ANKRD30BL: variants seen among roughly 807,000 people sequenced by gnomAD.
ANKRD30BL encodes the protein putative ankyrin repeat domain-containing protein 30B-like.
In ANKRD30BL, 20 loss-of-function variants were observed where a neutral mutation model predicts 18.4. The observed-to-expected ratio is 1.09, with a 90% CI of 0.77 to 1.58. ANKRD30BL has a LOEUF of 1.58. Among genes scored for constraint, ANKRD30BL ranks in the 40% most tolerant of loss-of-function variants. The pLI, the probability that ANKRD30BL is intolerant of heterozygous loss-of-function variation, is 0.00. For synonymous variants in ANKRD30BL, 72 were observed against 100.9 expected, an observed-to-expected ratio of 0.71 and a Z score of 1.72; for missense variants, 224 against 268.6, an observed-to-expected ratio of 0.83 and a Z score of 1.16.
chr2:132,211,735 T>C (rs1307468296), intron 1 of ANKRD30BL, among the ~76,000 whole-genome samples: 2 of 151,736 alleles, frequency 1.3e-5, no homozygotes, highest in Non-Finnish European at 2.9e-5. Context: ...AAAGGAAATA[T>C]CTTCACATAA....
At chr2:132,211,002 G>A (rs1206368402) in intron 1 of ANKRD30BL, among the ~76,000 whole-genome samples, 2 of 150,032 alleles carry the variant, frequency 1.3e-5, no homozygotes, top group Admixed American at 1.3e-4. Flanking sequence ...TGTGGAATCT[G>A]CAAGTGGATA....
chr2:132,204,823 A>G (rs1003642997), intron 1 of ANKRD30BL, among the ~76,000 whole-genome samples: 4 of 152,248 alleles, frequency 2.6e-5, no homozygotes, highest in Non-Finnish European at 4.4e-5. Context: ...TTGCCAAAAT[A>G]TAAAATGTGT....
At chr2:132,188,894 A>G (rs1179280762) in intron 1 of ANKRD30BL, among the ~76,000 whole-genome samples, 1 of 152,190 alleles carries the variant, frequency 6.6e-6, no homozygotes, top group South Asian at 2.1e-4. Flanking sequence ...TAGACAACTG[A>G]GGTTGCCTAA....
intron 1 of ANKRD30BL, among the ~76,000 whole-genome samples, chr2:132,181,543 C>T (rs557546458): frequency 6.6e-6 from 1 of 151,978 alleles, no homozygotes; most frequent in East Asian, 1.9e-4. Context: ...ACTTCTACCA[C>T]TAAAAGCAGA....
chr2:132,211,030 C>T (rs1165612032), intron 1 of ANKRD30BL, among the ~76,000 whole-genome samples: 1 of 143,412 alleles, frequency 7.0e-6, no homozygotes, highest in African/African-American at 2.6e-5. Context: ...CACTTGACAG[C>T]CTATGGTGGA....
chr2:132,229,894 ACT>A (rs1277842687), intron 1 of ANKRD30BL, among the ~76,000 whole-genome samples: 1 of 151,864 alleles, frequency 6.6e-6, no homozygotes, highest in Non-Finnish European at 1.5e-5. Flanking sequence ...GTTTTGAAAC[ACT>A]CTGTTCGCAG....
At chr2:132,242,773 A>G (rs1422693444) in intron 1 of ANKRD30BL, among the ~76,000 whole-genome samples, 3 of 151,740 alleles carry the variant, frequency 2.0e-5, no homozygotes, top group African/African-American at 7.2e-5. Context: ...TACTCAACTC[A>G]CAGACGTGAA....
chr2:132,174,052 C>T (rs910177715), intron 1 of ANKRD30BL, among the ~76,000 whole-genome samples: 5 of 152,160 alleles, frequency 3.3e-5, no homozygotes, highest in East Asian at 1.9e-4. Flanking sequence ...TCTCTCCCAA[C>T]GAACATAACT....
chr2:132,203,390 T>A (rs1052561462), intron 1 of ANKRD30BL, among the ~76,000 whole-genome samples: 5 of 152,256 alleles, frequency 3.3e-5, no homozygotes, highest in Non-Finnish European at 7.3e-5. Flanking sequence ...GGAGGTAAGC[T>A]TGTTCATTTC....
intron 1 of ANKRD30BL, among the ~76,000 whole-genome samples, chr2:132,242,648 T>G: frequency 6.6e-6 from 1 of 151,826 alleles, no homozygotes; most frequent in Non-Finnish European, 1.5e-5. Flanking sequence ...GAAACACTCT[T>G]TTTGTAGAAT....
chr2:132,221,862 G>T (rs1359281281), intron 1 of ANKRD30BL, among the ~76,000 whole-genome samples: 2 of 125,746 alleles, frequency 1.6e-5, no homozygotes, highest in Admixed American at 7.2e-5. Flanking sequence ...CGTCCGGGAG[G>T]GGGGAGGGGG....
intron 1 of ANKRD30BL, among the ~76,000 whole-genome samples, chr2:132,232,036 C>T (rs184422725): frequency 1.4e-4 from 21 of 152,334 alleles, no homozygotes; most frequent in African/African-American, 2.9e-4. Context: ...CCCTGACCCC[C>T]GAGCAGCCTA....
At chr2:132,209,419 T>C (rs113874408) in intron 1 of ANKRD30BL, among the ~76,000 whole-genome samples, 1 of 150,250 alleles carries the variant, frequency 6.7e-6, no homozygotes, top group Non-Finnish European at 1.5e-5. Flanking sequence ...AGCTGAACAT[T>C]TCTTTTGATT....
chr2:132,166,553 A>G (rs1375681401), upstream of ANKRD30BL, among the ~76,000 whole-genome samples: 1 of 152,006 alleles, frequency 6.6e-6, no homozygotes, highest in Non-Finnish European at 1.5e-5. Flanking sequence ...GTATTTGTCC[A>G]TTTTATATAG....
intron 1 of ANKRD30BL, among the ~76,000 whole-genome samples, chr2:132,249,086 G>A (rs562409045): frequency 6.6e-6 from 1 of 151,692 alleles, no homozygotes; most frequent in African/African-American, 2.4e-5. Context: ...ACATTACAAA[G>A]CAGTTTCTCA....
At chr2:132,206,037 A>G (rs975805390) in intron 1 of ANKRD30BL, among the ~76,000 whole-genome samples, 13 of 152,070 alleles carry the variant, frequency 8.5e-5, no homozygotes, top group African/African-American at 3.1e-4. Context: ...GGGCGCCTGT[A>G]ATCCTAGCTA....
At chr2:132,223,596 A>C (rs1415938491) in intron 1 of ANKRD30BL, among the ~76,000 whole-genome samples, 1 of 152,114 alleles carries the variant, frequency 6.6e-6, no homozygotes, top group Non-Finnish European at 1.5e-5. Flanking sequence ...GAGAGCTTTG[A>C]GGCCTTCGTT....
In ANKRD30BL at chr2:132,161,694, G is replaced by A; in HGVS notation, c.12C>T (p.Leu4=). 6.9e-7 allele frequency: 1 copy of A among 1,441,734 alleles called. No individual in the cohort carries two copies. The highest frequency in any genetic ancestry group is 1.2e-5 in the South Asian group (1 of 81,734). 89.3% of individuals were successfully genotyped at this position (1,441,734 alleles called of 1,614,324 possible). A position where few individuals can be genotyped will look rare whatever the true frequency, so the allele number is the denominator to read the frequency against. ...TCTGGCCCTTGACAGGGGCGGCAGAGAGCCTCTCCATGGCTGCAGCCACCT... is the reference window on the plus strand; with the variant it reads ...TCTGGCCCTTGACAGGGGCGGCAGAAAGCCTCTCCATGGCTGCAGCCACCT... MER[L]SAAPVKGQTG... Residue 4 remains leucine (L), a synonymous_variant, in exon 1 of 6, where the codon CTC becomes CTT. Transcript: ENST00000409867.
intron 1 of ANKRD30BL, among the ~76,000 whole-genome samples, chr2:132,228,184 T>C (rs74837229): frequency 1.8e-4 from 28 of 152,108 alleles, no homozygotes; most frequent in African/African-American, 6.8e-4. Flanking sequence ...TGAGCAGTTT[T>C]GAATCTCTCT....
Sources: gnomAD v4.1 joint callset for allele counts (sites outside exome capture counted in the v4.1 genomes callset) on GRCh38, gnomAD v4.1.1 for gene constraint, MANE v1.5 for transcripts, NCBI Gene and HGNC (gene_info 2026-07-23, HGNC 2026-07-21) for gene names.